Variants in IL1RAPL1 observed in about 807,000 individuals in gnomAD.
IL1RAPL1 encodes the protein interleukin 1 receptor accessory protein like 1.
Under a neutral mutation model 48.4 loss-of-function variants are expected in IL1RAPL1, and 3 were observed. The ratio of observed to expected loss-of-function variants is 0.06; its 90% CI spans 0.03 to 0.16. The LOEUF (loss-of-function observed/expected upper bound fraction) is 0.16. Among genes scored for constraint, IL1RAPL1 ranks in the 10% least tolerant of loss-of-function variants. The pLI, the probability that IL1RAPL1 is intolerant of heterozygous loss-of-function variation, is 1.00. For synonymous variants in IL1RAPL1, 185 were observed against 187.7 expected (o/e 0.99, Z 0.12); for missense variants, 349 against 530.6 (o/e 0.66, Z 3.36).
chrX:29,488,112 A>AGTGGAT (rs1327250462), intron 5 of IL1RAPL1, among the ~76,000 whole-genome samples: 3 of 111,964 alleles, frequency 2.7e-5, no homozygotes, highest in African/African-American at 9.7e-5. Flanking sequence ...CATACATCAG[A>AGTGGAT]GTATAGGCCT....
At chrX:29,203,722 A>AATATAGATAT (rs1419764371) in intron 2 of IL1RAPL1, among the ~76,000 whole-genome samples, 6 of 78,428 alleles carry the variant, frequency 7.7e-5, no homozygotes, top group African/African-American at 2.7e-4. Flanking sequence ...TCCGTCTCAA[A>AATATAGATAT]ATATATATAT....
Position 28,722,354 on chromosome X carries a change from G to A in IL1RAPL1, c.-24-66966G>A, listed in dbSNP as rs780700462. On this transcript the variant is annotated intron_variant, in intron 1 of 10. Coordinates refer to ENST00000378993, the MANE Select transcript of IL1RAPL1 (RefSeq NM_014271.4). ...TCCTAGGTATTTTATTCTCTTTGAA[G>A]CAATTGTGAATGGGAGTTCACTCAT... 3.8e-3 allele frequency among the ~76,000 whole-genome samples: 427 copies of A among 111,458 alleles called. 1 individual carries two copies. Among genetic ancestry groups the A allele is most frequent in the Non-Finnish European group, 6.9e-3 (367 of 53,124 alleles).
intron 5 of IL1RAPL1, among the ~76,000 whole-genome samples, chrX:29,487,692 G>T (rs1935111312): frequency 8.9e-6 from 1 of 112,154 alleles, no homozygotes; most frequent in Non-Finnish European, 1.9e-5. Context: ...ACAGAATGCT[G>T]AAGAACACCC....
intron 2 of IL1RAPL1, among the ~76,000 whole-genome samples, chrX:28,988,558 C>T (rs1270185980): frequency 1.8e-5 from 2 of 111,774 alleles, no homozygotes; most frequent in East Asian, 5.7e-4. Flanking sequence ...TCACCTACAA[C>T]CCACATATCT....
At chrX:28,815,638 C>G (rs1936854674) in intron 2 of IL1RAPL1, among the ~76,000 whole-genome samples, 1 of 103,874 alleles carries the variant, frequency 9.6e-6, no homozygotes, top group African/African-American at 3.5e-5. Flanking sequence ...CCTCTGACAA[C>G]CATTAATCTA....
chrX:29,147,212 A>G (rs1208127385), intron 2 of IL1RAPL1, among the ~76,000 whole-genome samples: 1 of 112,147 alleles, frequency 8.9e-6, no homozygotes, highest in African/African-American at 3.2e-5. Context: ...GAATCAGTCC[A>G]CAGCCCAAGG....
chrX:29,104,238 T>C (rs1928403090), intron 2 of IL1RAPL1, among the ~76,000 whole-genome samples: 1 of 112,219 alleles, frequency 8.9e-6, no homozygotes, highest in South Asian at 3.6e-4. Flanking sequence ...CATCAACAGA[T>C]GACTGAATAA....
intron 6 of IL1RAPL1, among the ~76,000 whole-genome samples, chrX:29,760,743 C>T (rs189524815): frequency 1.8e-5 from 2 of 111,073 alleles, no homozygotes; most frequent in East Asian, 5.6e-4. Flanking sequence ...AGTTCCCTGC[C>T]CTATTCAGTA....
At chrX:29,638,101 G>A (rs1925032530) in intron 5 of IL1RAPL1, among the ~76,000 whole-genome samples, 1 of 110,917 alleles carries the variant, frequency 9.0e-6, no homozygotes, top group South Asian at 3.8e-4. Flanking sequence ...GGTGATCAAA[G>A]GGAATTGTTT....
chrX:29,569,403 C>T (rs781320653), intron 5 of IL1RAPL1, among the ~76,000 whole-genome samples: 2 of 110,934 alleles, frequency 1.8e-5, no homozygotes, highest in South Asian at 7.6e-4. Context: ...TAACATGATT[C>T]ATTCAGGGTA....
chrX:29,925,348 A>G (rs1932876925), intron 8 of IL1RAPL1, among the ~76,000 whole-genome samples: 2 of 101,966 alleles, frequency 2.0e-5, no homozygotes. Context: ...AACAAGTTTA[A>G]CAAATTCTCT....
intron 1 of IL1RAPL1, among the ~76,000 whole-genome samples, chrX:28,683,721 A>G (rs983738073): frequency 1.8e-5 from 2 of 112,521 alleles, no homozygotes; most frequent in African/African-American, 6.5e-5. Flanking sequence ...GTAGGGTTGC[A>G]TTATTTTCTG....
chrX:28,653,747 A>G (rs1046158779), intron 1 of IL1RAPL1, among the ~76,000 whole-genome samples: 12 of 111,352 alleles, frequency 1.1e-4, no homozygotes, highest in Non-Finnish European at 1.9e-4. Flanking sequence ...CTGTGCTTTT[A>G]AGGAAAGACC....
At chrX:28,704,566 A>C (rs1265921304) in intron 1 of IL1RAPL1, among the ~76,000 whole-genome samples, 1 of 108,195 alleles carries the variant, frequency 9.2e-6, no homozygotes, top group African/African-American at 3.4e-5. Flanking sequence ...ACTTATATTC[A>C]AGCGGGTAAG....
At chrX:29,376,402 ACT>A (rs1261151746) in intron 3 of IL1RAPL1, among the ~76,000 whole-genome samples, 1 of 106,513 alleles carries the variant, frequency 9.4e-6, no homozygotes, top group Admixed American at 1.0e-4. Context: ...AAAGTGTCTC[ACT>A]CTGTTAACCA....
intron 2 of IL1RAPL1, among the ~76,000 whole-genome samples, chrX:28,869,769 T>C (rs190210453): frequency 2.0e-3 from 228 of 112,002 alleles, no homozygotes; most frequent in Non-Finnish European, 3.6e-3. Context: ...TAGCTTTTCA[T>C]ATATTTACAA....
chrX:29,020,249 G>A (rs1269260019), intron 2 of IL1RAPL1, among the ~76,000 whole-genome samples: 1 of 112,124 alleles, frequency 8.9e-6, no homozygotes, highest in Admixed American at 9.5e-5. Context: ...ACAAAAACAG[G>A]TATGTCCATT....
chrX:29,122,731 G>T (rs905246834), intron 2 of IL1RAPL1, among the ~76,000 whole-genome samples: 1 of 110,719 alleles, frequency 9.0e-6, no homozygotes, highest in Non-Finnish European at 1.9e-5. Context: ...GTAAGAGACT[G>T]CTGATTGCAG....
intron 2 of IL1RAPL1, among the ~76,000 whole-genome samples, chrX:28,854,542 G>A (rs1200304086): frequency 3.6e-5 from 4 of 111,342 alleles, no homozygotes; most frequent in Non-Finnish European, 7.5e-5. Flanking sequence ...TTGGAGGGTG[G>A]GATCAGGGAA....
Sources: allele counts gnomAD v4.1 joint callset (sites outside exome capture counted in the v4.1 genomes callset), GRCh38; gene constraint gnomAD v4.1.1; transcripts MANE v1.5; gene names NCBI Gene and HGNC (gene_info 2026-07-23, HGNC 2026-07-21).